Variants in HDAC9 observed in about 807,000 individuals in gnomAD.
The protein encoded by HDAC9 is histone deacetylase 9.
HDAC9 carries 41 observed loss-of-function variants against 139.4 expected under a neutral mutation model. That is an observed-to-expected ratio of 0.29 (90% confidence interval 0.23 to 0.38). The LOEUF is 0.38. Ranked by LOEUF, HDAC9 falls within the 10% of genes least tolerant of loss-of-function variation. The pLI, the probability that HDAC9 is intolerant of heterozygous loss-of-function variation, is 1.00. For synonymous variants in HDAC9, 517 were observed against 476.2 expected (o/e 1.09, Z -1.12); for missense variants, 1,147 against 1,297.0 (o/e 0.88, Z 1.78).
chr7:18,835,157 G>A (rs987504216), intron 19 of HDAC9, among the ~76,000 whole-genome samples: 1 of 152,126 alleles, frequency 6.6e-6, no homozygotes, highest in African/African-American at 2.4e-5. Context: ...ATATCTAATT[G>A]TACCAAAGGA....
intron 16 of HDAC9, among the ~76,000 whole-genome samples, chr7:18,774,786 A>G (rs555480689): frequency 1.3e-5 from 2 of 152,064 alleles, no homozygotes; most frequent in Middle Eastern, 3.2e-3. Context: ...TTGTGTGTTC[A>G]CTGCAGTAGC....
intron 1 of HDAC9, among the ~76,000 whole-genome samples, chr7:18,438,484 T>G (rs1296753176): frequency 1.3e-5 from 2 of 152,196 alleles, no homozygotes; most frequent in Non-Finnish European, 2.9e-5. Context: ...TATACATTTC[T>G]TCAGACTCAT....
chr7:18,944,066 G>C (rs1782204770), intron 23 of HDAC9, among the ~76,000 whole-genome samples: 1 of 152,124 alleles, frequency 6.6e-6, no homozygotes, highest in African/African-American at 2.4e-5. Context: ...ATTATAACCA[G>C]ATTTACTTAC....
chr7:18,168,847 G>C (rs1788179177), intron 2 of HDAC9, among the ~76,000 whole-genome samples: 1 of 140,320 alleles, frequency 7.1e-6, no homozygotes, highest in African/African-American at 2.7e-5. Flanking sequence ...ATTGTTAAAA[G>C]ATCACAAGTT....
chr7:18,844,631 G>T (rs1033918812), intron 21 of HDAC9, among the ~76,000 whole-genome samples: 2 of 152,110 alleles, frequency 1.3e-5, no homozygotes, highest in Non-Finnish European at 2.9e-5. Context: ...TACCGAAATG[G>T]ACTGAATTTC....
intron 6 of HDAC9, among the ~76,000 whole-genome samples, chr7:18,599,289 A>G (rs1481748622): frequency 6.6e-6 from 1 of 152,200 alleles, no homozygotes; most frequent in Admixed American, 6.5e-5. Context: ...CAATTAAGGA[A>G]CAACTATTGA....
Position 18,867,923 on chromosome 7 carries a change from T to C in HDAC9, c.2685-6555T>C, listed in dbSNP as rs539006581. Among the ~76,000 whole-genome samples, 7 of 152,298 alleles carry C rather than the reference T, an allele frequency of 4.6e-5. 1 individual carries two copies. The South Asian group carries it at 1.5e-3, about 32-fold the overall frequency. ...TATTTCTTCAGATCGTCTACTAATT[T>C]TTTAAGTTATGCAATTTTAGTTTTT... On this transcript the variant is annotated intron_variant, in intron 21 of 25. Coordinates refer to ENST00000686413, the MANE Select transcript of HDAC9 (RefSeq NM_178425.4).
chr7:18,707,248 C>A (rs895409860), intron 12 of HDAC9, among the ~76,000 whole-genome samples: 1 of 152,134 alleles, frequency 6.6e-6, no homozygotes, highest in Non-Finnish European at 1.5e-5. Context: ...GTGAGATAAA[C>A]ACAGAAAAGT....
intron 2 of HDAC9, among the ~76,000 whole-genome samples, chr7:18,213,201 AAC>A (rs1323008021): frequency 1.3e-5 from 2 of 152,188 alleles, no homozygotes; most frequent in East Asian, 3.8e-4. Flanking sequence ...CTGTTCATGG[AAC>A]AGAGTACTGT....
At chr7:18,913,819 T>C (rs531024759) in intron 22 of HDAC9, among the ~76,000 whole-genome samples, 23 of 152,184 alleles carry the variant, frequency 1.5e-4, no homozygotes, top group South Asian at 1.0e-3. Context: ...TAAGTACTCA[T>C]TGTAAATTGT....
chr7:18,458,785 A>G, intron 1 of HDAC9: 1 of 1,192,562 alleles, frequency 8.4e-7, no homozygotes, highest in South Asian at 1.3e-5. Flanking sequence ...CTTGCTTGTC[A>G]CTCCAACTCC....
At chr7:18,792,470 T>G (rs947684892) in intron 16 of HDAC9, among the ~76,000 whole-genome samples, 1 of 152,064 alleles carries the variant, frequency 6.6e-6, no homozygotes, top group African/African-American at 2.4e-5. Flanking sequence ...ATATAACATA[T>G]GATAATTATA....
At chr7:18,262,020 C>T (rs1349483284) in intron 2 of HDAC9, among the ~76,000 whole-genome samples, 3 of 152,204 alleles carry the variant, frequency 2.0e-5, no homozygotes, top group Non-Finnish European at 4.4e-5. Context: ...CCCTGATGTA[C>T]ACCTCTTACT....
chr7:18,231,235 A>G (rs565849005), intron 2 of HDAC9, among the ~76,000 whole-genome samples: 6 of 152,314 alleles, frequency 3.9e-5, no homozygotes, highest in South Asian at 2.1e-4. Context: ...TTCTTCCCCA[A>G]TCATCCCACA....
chr7:18,145,330 G>A (rs75078491), intron 1 of HDAC9, among the ~76,000 whole-genome samples: 6,404 of 152,286 alleles, frequency 0.042, 182 homozygotes, highest in Non-Finnish European at 0.065. Flanking sequence ...ATAATTTGAA[G>A]TGATAAATAC....
chr7:18,500,479 T>G (rs921689872), intron 2 of HDAC9, among the ~76,000 whole-genome samples: 5 of 152,164 alleles, frequency 3.3e-5, no homozygotes, highest in African/African-American at 1.2e-4. Context: ...GCAGAGGTTC[T>G]TTGATCATAA....
At chr7:18,605,917 T>C (rs1835358447) in intron 6 of HDAC9, among the ~76,000 whole-genome samples, 1 of 152,120 alleles carries the variant, frequency 6.6e-6, no homozygotes, top group Non-Finnish European at 1.5e-5. Context: ...CCTGACCTTG[T>C]GATCTGCCCA....
rs140991437 is a variant in HDAC9 at position 18,573,261 on chromosome 7, C to A, written c.23-12020C>A. ...TCTGGATTAATCAATTTAAATAATTCTTGTTATAAAATGATTCTTTTCATG... is the reference window on the plus strand; with the variant it reads ...TCTGGATTAATCAATTTAAATAATTATTGTTATAAAATGATTCTTTTCATG... On this transcript the variant is annotated intron_variant, in intron 2 of 25. Coordinates refer to ENST00000686413, the MANE Select transcript of HDAC9 (RefSeq NM_178425.4). 5.3e-3 allele frequency among the ~76,000 whole-genome samples: 802 copies of A among 152,280 alleles called. 7 individuals carry two copies. Among genetic ancestry groups the A allele is most frequent in the African/African-American group, 0.018 (763 of 41,558 alleles).
intron 22 of HDAC9, among the ~76,000 whole-genome samples, chr7:18,907,923 T>C (rs1585283159): frequency 6.6e-6 from 1 of 152,288 alleles, no homozygotes; most frequent in East Asian, 1.9e-4. Context: ...TTTTATTCTG[T>C]ACACATACTA....
Sources: allele counts gnomAD v4.1 joint callset (sites outside exome capture counted in the v4.1 genomes callset), GRCh38; gene constraint gnomAD v4.1.1; transcripts MANE v1.5; gene names NCBI Gene and HGNC (gene_info 2026-07-23, HGNC 2026-07-21).